The following SAMD9 variants were observed in gnomAD, a reference collection of about 807,000 sequenced individuals.
SAMD9 encodes the protein sterile alpha motif domain-containing protein 9.
Under a neutral mutation model 1.5 loss-of-function variants are expected in SAMD9, and 3 were observed. The observed-to-expected ratio is 2.05, with a 90% CI of 0.93 to 5.29. SAMD9 has a LOEUF of 5.29. Among genes scored for constraint, SAMD9 ranks in the 30% most tolerant of loss-of-function variants. SAMD9 has a pLI of 0.02. For synonymous variants in SAMD9, 635 were observed against 631.9 expected (o/e 1.00, Z -0.07); for missense variants, 1,597 against 1,820.8 (o/e 0.88, Z 2.24).
chr7:93,109,680 T>C (rs770867830), intron 2 of SAMD9, among the ~76,000 whole-genome samples: 8 of 152,188 alleles, frequency 5.3e-5, no homozygotes, highest in Non-Finnish European at 1.0e-4. Flanking sequence ...CAGTAGCTGA[T>C]TCTATCAAGT....
At chr7:93,114,332 G>A (rs1315253147) in intron 2 of SAMD9, among the ~76,000 whole-genome samples, 1 of 151,108 alleles carries the variant, frequency 6.6e-6, no homozygotes, top group Non-Finnish European at 1.5e-5. Flanking sequence ...ATAGCATTAG[G>A]AGATATACCT....
chr7:93,104,387 C>T lies in SAMD9; in HGVS notation c.1711G>A (p.Glu571Lys). Residue 571 changes from glutamate to lysine, a missense_variant, in exon 3 of 3, where the codon GAA (glutamate) becomes AAA (lysine). Physicochemically the swap from Glu to Lys is moderately conservative, Grantham distance 56 (BLOSUM62 1). Around this residue, in one of 6 missense-constraint regions of SAMD9, gnomAD observed 358 missense variants for 460.4 expected, o/e 0.78. Coordinates refer to ENST00000379958, the MANE Select transcript of SAMD9 (RefSeq NM_017654.4). ...TGCACACAAATACACAGTATATTTT[C>T]CATTCCTTTGAGATCCTGGTAGAAA... is the stretch of plus-strand genomic sequence containing the variant. ...CAFYQDLKGMENILCICVHPH... is the reference protein window; with the variant it reads ...CAFYQDLKGMKNILCICVHPH... 1 of 1,613,900 alleles carries T rather than the reference C, an allele frequency of 6.2e-7. No homozygotes were observed. Among genetic ancestry groups the T allele is most frequent in the Non-Finnish European group, 8.5e-7 (1 of 1,179,854 alleles).
In SAMD9 at chr7:93,105,553, T is replaced by A; in HGVS notation, c.545A>T (p.Gln182Leu). Reference sequence around the variant, plus strand: ...GAGATTGCCTGGTCCTGTTTCAGGCTGTAGACTAAAATCCAACTTGTAACG... The same window carrying A: ...GAGATTGCCTGGTCCTGTTTCAGGCAGTAGACTAAAATCCAACTTGTAACG... ...PYRYKLDFSL[Q>L]PETGPGNLID... The change falls in exon 3 of 3, where the codon CAG becomes CTG. Residue 182 changes from glutamine (Q) to leucine (L), a missense_variant. Physicochemically the swap from Gln to Leu is moderately radical, Grantham distance 113. Coordinates refer to ENST00000379958, the MANE Select transcript of SAMD9 (RefSeq NM_017654.4). The A allele has an allele frequency of 6.8e-6, 11 of 1,614,142 alleles. No individual in the cohort carries two copies. The highest frequency in any genetic ancestry group is 9.3e-6 in the Non-Finnish European group (11 of 1,180,018).
chr7:93,106,341 C>T (rs1321187196), intron 2 of SAMD9, among the ~76,000 whole-genome samples: 1 of 152,170 alleles, frequency 6.6e-6, no homozygotes, highest in Non-Finnish European at 1.5e-5. Context: ...GCATACTATA[C>T]ATAATTCTCT....
chr7:93,104,354 TGTGTG>T lies in SAMD9; in HGVS notation c.1739_1743del (p.Pro580HisfsTer10). 6.2e-7 allele frequency: 1 copy of T among 1,613,902 alleles called. No individual in the cohort carries two copies. Among genetic ancestry groups the T allele is most frequent in the Non-Finnish European group, 8.5e-7 (1 of 1,179,848 alleles). ...AGTAGATCTTTCCATCCCTGAAATA[TGTGTG>T]GGTGCACACAAATACACAGTATATT... On this transcript the variant is annotated frameshift_variant, in exon 3 of 3. Coordinates refer to ENST00000379958, the MANE Select transcript of SAMD9 (RefSeq NM_017654.4). LOFTEE classifies it low-confidence loss of function (END_TRUNC).
Position 93,105,319 on chromosome 7 carries a change from A to G in SAMD9, c.779T>C (p.Leu260Pro), listed in dbSNP as rs767106665. The G allele has an allele frequency of 1.2e-6, 2 of 1,613,948 alleles. No homozygotes were observed. The highest frequency in any genetic ancestry group is 1.7e-5 in the Admixed American group (1 of 59,994). Residue 260 changes from leucine to proline, a missense_variant, in exon 3 of 3, where the codon CTC becomes CCC. This residue lies in a region of SAMD9 where 498 missense variants were observed against 457.4 expected (regional missense o/e 1.09). Transcript: ENST00000379958. ...IKVTNDTKEA[L>P]INHFNLMINK... Reference sequence around the variant, plus strand: ...TATCATCAGATTGAAATGGTTAATGAGGGCTTCCTTGGTATCATTGGTGAC... The same window carrying G: ...TATCATCAGATTGAAATGGTTAATGGGGGCTTCCTTGGTATCATTGGTGAC...
rs902827679 is a variant in SAMD9 at position 93,103,538 on chromosome 7, T to C, written c.2560A>G (p.Ile854Val). The stretch of plus-strand genomic sequence containing the variant: ...TGTTCTTTGGGAGAGAGTTGCTGTA[T>C]TACGGCAATACTGTCTGGGATCCTT... Reference protein sequence around the residue: ...SARIPDSIAVIQQLSPKEQRA... With the variant: ...SARIPDSIAVVQQLSPKEQRA... Residue 854 changes from isoleucine to valine, a missense_variant, in exon 3 of 3, where the codon ATA (isoleucine) becomes GTA (valine). This residue lies in a region of SAMD9 where 55 missense variants were observed against 58.6 expected (regional missense o/e 0.94). Coordinates refer to ENST00000379958, the MANE Select transcript of SAMD9 (RefSeq NM_017654.4). The C allele has an allele frequency of 1.9e-6, 3 of 1,613,776 alleles. No individual in the cohort carries two copies. The highest frequency in any genetic ancestry group is 2.5e-6 in the Non-Finnish European group (3 of 1,179,724).
At chr7:93,117,148 G>A (rs910269060) in intron 1 of SAMD9, among the ~76,000 whole-genome samples, 4 of 152,206 alleles carry the variant, frequency 2.6e-5, no homozygotes, top group Admixed American at 1.3e-4. Flanking sequence ...CTCTCAGAGA[G>A]TTTTGTTTTC....
rs142271975 is a variant in SAMD9, at chr7:93,101,419, T to C, written c.4679A>G (p.Gln1560Arg). The C allele has an allele frequency of 1.5e-5, 25 of 1,613,702 alleles. No homozygotes were observed. Among genetic ancestry groups the C allele is most frequent in the Non-Finnish European group, 2.1e-5 (25 of 1,179,750 alleles). Reference sequence around the variant, plus strand: ...CTCTATGCTTCTGCCACTTCTAAGTTGACCTAAAAAAGCGGGAGTGATGGG... The same window carrying C: ...CTCTATGCTTCTGCCACTTCTAAGTCGACCTAAAAAAGCGGGAGTGATGGG... The part of the protein sequence containing the change: ...TIPITPAFLG[Q>R]LRSGRSIEKV... The change falls in exon 3 of 3, where the codon CAA becomes CGA. Residue 1560 changes from glutamine (Q) to arginine (R), a missense_variant. This residue lies in a region of SAMD9 where 682 missense variants were observed against 810.0 expected (regional missense o/e 0.84). Coordinates refer to ENST00000379958, the MANE Select transcript of SAMD9 (RefSeq NM_017654.4).
At chr7:93,112,136 C>A (rs1002195384) in intron 2 of SAMD9, among the ~76,000 whole-genome samples, 14 of 152,308 alleles carry the variant, frequency 9.2e-5, no homozygotes, top group Non-Finnish European at 1.5e-4. Flanking sequence ...CACTGGGATG[C>A]AAGGCTGGTT....
At position 93,103,025 on chromosome 7, in the gene SAMD9, T is replaced by G; in HGVS notation, c.3073A>C (p.Ser1025Arg). Residue 1025 changes from serine (S) to arginine (R), a missense_variant, in exon 3 of 3, where the codon AGT (serine) becomes CGT (arginine). Transcript: ENST00000379958. Reference sequence around the variant, plus strand: ...GTGTGCATATCTTGCAAAAATTTACTTTTTCCCATACCAGTATCGAAGAAC... The same window carrying G: ...GTGTGCATATCTTGCAAAAATTTACGTTTTCCCATACCAGTATCGAAGAAC... ...NLFFDTGMGK[S>R]KFLQDMHTLL... The G allele has an allele frequency of 6.2e-7, 1 of 1,613,882 alleles. No homozygotes were observed. The highest frequency in any genetic ancestry group is 8.5e-7 in the Non-Finnish European group (1 of 1,179,800).
At chr7:93,109,494 A>G (rs1215257872) in intron 2 of SAMD9, among the ~76,000 whole-genome samples, 1 of 152,198 alleles carries the variant, frequency 6.6e-6, no homozygotes. Flanking sequence ...AACGACTGGT[A>G]ATAACAAACT....
chr7:93,107,109 C>T (rs1010427865), intron 2 of SAMD9, among the ~76,000 whole-genome samples: 6 of 151,364 alleles, frequency 4.0e-5, no homozygotes, highest in Non-Finnish European at 5.9e-5. Flanking sequence ...GGCGCGATCT[C>T]GGCTCATTGC....
At chr7:93,107,498 AAT>A (rs1791666303) in intron 2 of SAMD9, among the ~76,000 whole-genome samples, 1 of 152,176 alleles carries the variant, frequency 6.6e-6, no homozygotes, top group East Asian at 1.9e-4. Context: ...TTCAAATAAT[AAT>A]AGTCAGCTTT....
In SAMD9 at chr7:93,103,342, G is replaced by T; in HGVS notation, c.2756C>A (p.Ser919Tyr). ...NIFTKEAKLF[S>Y]FLALLNSYVP... ...ATATGAATTAAGAAGAGCCAGAAAA[G>T]AAAAGAGCTTTGCTTCCTTGGTGAA... The change falls in exon 3 of 3, where the codon TCT (serine) becomes TAT (tyrosine). Residue 919 changes from serine (S) to tyrosine (Y), a missense_variant. Transcript: ENST00000379958. 1 of 1,613,548 alleles carries T rather than the reference G, an allele frequency of 6.2e-7. No individual in the cohort carries two copies. Among genetic ancestry groups the T allele is most frequent in the Non-Finnish European group, 8.5e-7 (1 of 1,179,610 alleles).
At position 93,103,333 on chromosome 7, in the gene SAMD9, G is replaced by A. The variant is rs1291884139; in HGVS notation, c.2765C>T (p.Ala922Val). ...ATCAGGCACATATGAATTAAGAAGA[G>A]CCAGAAAAGAAAAGAGCTTTGCTTC... The part of the protein sequence containing the change: ...TKEAKLFSFL[A>V]LLNSYVPDTT... Residue 922 changes from alanine to valine, a missense_variant, in exon 3 of 3, where the codon GCT becomes GTT. Coordinates refer to ENST00000379958, the MANE Select transcript of SAMD9 (RefSeq NM_017654.4). 3 of 1,613,532 alleles carry A rather than the reference G, an allele frequency of 1.9e-6. No individual in the cohort carries two copies. The highest frequency in any genetic ancestry group is 2.5e-6 in the Non-Finnish European group (3 of 1,179,622).
chr7:93,108,378 C>T (rs983820072), intron 2 of SAMD9, among the ~76,000 whole-genome samples: 4 of 152,190 alleles, frequency 2.6e-5, no homozygotes, highest in African/African-American at 9.7e-5. Context: ...TCTACAGATC[C>T]CAGTGTGAGA....
intron 2 of SAMD9, among the ~76,000 whole-genome samples, chr7:93,109,181 T>C (rs1297197675): frequency 6.6e-6 from 1 of 152,092 alleles, no homozygotes; most frequent in Non-Finnish European, 1.5e-5. Flanking sequence ...TGATACCCAG[T>C]CAAACAGGGT....
chr7:93,105,878 A>ATTCTTTG lies in SAMD9; in HGVS notation c.213_219dup (p.Leu74GlnfsTer9), dbSNP rs750552300. The ATTCTTTG allele has an allele frequency of 3.7e-6, 6 of 1,614,088 alleles. No homozygotes were observed. The highest frequency in any genetic ancestry group is 3.4e-6 in the Non-Finnish European group (4 of 1,179,996). On this transcript the variant is annotated frameshift_variant, in exon 3 of 3. Coordinates refer to ENST00000379958, the MANE Select transcript of SAMD9 (RefSeq NM_017654.4). LOFTEE classifies it low-confidence loss of function (END_TRUNC). ...GAATCTTCAATGGCTGTTTTCCGCA[A>ATTCTTTG]TTCTTTGAATAGTTCTTCTATTTGA...
Sources: allele counts gnomAD v4.1 joint callset (sites outside exome capture counted in the v4.1 genomes callset), GRCh38; gene constraint gnomAD v4.1.1; regional missense constraint gnomAD v4.1.1; transcripts MANE v1.5; gene names NCBI Gene and HGNC (gene_info 2026-07-23, HGNC 2026-07-21).